GPC5: variants seen among roughly 807,000 people sequenced by gnomAD.
GPC5 encodes the protein glypican 5.
Under a neutral mutation model 53.9 loss-of-function variants are expected in GPC5, and 47 were observed. That is an observed-to-expected ratio of 0.87 (90% CI 0.69 to 1.11). GPC5 has a LOEUF of 1.11. Among genes scored for constraint, GPC5 ranks in the 50% most tolerant of loss-of-function variants. The probability of loss-of-function intolerance (pLI) is 0.00; values close to 1 mark genes in which losing one functional copy is unlikely to be tolerated. For missense variants in GPC5, 748 were observed against 713.1 expected (o/e 1.05, Z -0.56); for synonymous variants, 286 against 263.3 (o/e 1.09, Z -0.84).
intron 5 of GPC5, among the ~76,000 whole-genome samples, chr13:91,778,347 T>C (rs1014075990): frequency 2.6e-5 from 4 of 152,182 alleles, no homozygotes; most frequent in Admixed American, 6.5e-5. Context: ...AAACCAAAGA[T>C]TCTGGAGTTG....
chr13:92,499,537 G>C (rs1457838719), intron 7 of GPC5, among the ~76,000 whole-genome samples: 1 of 152,124 alleles, frequency 6.6e-6, no homozygotes, highest in Non-Finnish European at 1.5e-5. Flanking sequence ...TGAAGAGATT[G>C]AGAGACATGA....
chr13:91,800,628 T>A (rs920259336), intron 5 of GPC5, among the ~76,000 whole-genome samples: 2 of 152,160 alleles, frequency 1.3e-5, no homozygotes, highest in African/African-American at 2.4e-5. Flanking sequence ...ATATGCTTAA[T>A]CTCTTTTGTT....
intron 2 of GPC5, among the ~76,000 whole-genome samples, chr13:91,676,607 TC>T (rs1441356979): frequency 5.3e-5 from 8 of 152,040 alleles, no homozygotes; most frequent in African/African-American, 1.7e-4. Context: ...CTTTTATTTT[TC>T]TTTTGTACCC....
intron 5 of GPC5, among the ~76,000 whole-genome samples, chr13:91,820,934 G>A (rs1226106061): frequency 6.6e-6 from 1 of 151,342 alleles, no homozygotes; most frequent in African/African-American, 2.4e-5. Context: ...CTGCACTCCA[G>A]CCTGGGTGAC....
At chr13:92,723,842 C>T (rs1303080276) in intron 7 of GPC5, among the ~76,000 whole-genome samples, 1 of 151,550 alleles carries the variant, frequency 6.6e-6, no homozygotes, top group African/African-American at 2.4e-5. Flanking sequence ...AAATATAATT[C>T]TATCATATGC....
intron 7 of GPC5, among the ~76,000 whole-genome samples, chr13:92,236,667 C>A (rs2042572690): frequency 6.6e-6 from 1 of 152,056 alleles, no homozygotes; most frequent in Non-Finnish European, 1.5e-5. Context: ...GAGAACTAGA[C>A]ACTTTATATT....
chr13:92,724,253 A>G (rs968399475), intron 7 of GPC5, among the ~76,000 whole-genome samples: 5 of 151,652 alleles, frequency 3.3e-5, no homozygotes, highest in Non-Finnish European at 5.9e-5. Context: ...TAAGCAAGCT[A>G]TAAGAGAATT....
chr13:91,695,707 A>C (rs2035866205), intron 3 of GPC5, among the ~76,000 whole-genome samples: 1 of 152,154 alleles, frequency 6.6e-6, no homozygotes, highest in Admixed American at 6.6e-5. Context: ...GAGTATCTCC[A>C]AAAGGGAAAG....
At position 92,052,145 on chromosome 13, in the gene GPC5, C is replaced by T. The variant is rs529184145; in HGVS notation, c.1402-92685C>T. On this transcript the variant is annotated intron_variant, in intron 6 of 7. Transcript: ENST00000377067. Reference sequence around the variant, plus strand: ...TAAAATTGGCCTGCACTCCTGAAATCTAATAGTGTTAGAGATATGTGAGTA... The same window carrying T: ...TAAAATTGGCCTGCACTCCTGAAATTTAATAGTGTTAGAGATATGTGAGTA... 8.5e-5 allele frequency among the ~76,000 whole-genome samples: 13 copies of T among 152,268 alleles called. No individual in the cohort carries two copies. The East Asian group carries it at 2.5e-3, about 29-fold the overall frequency.
At chr13:91,435,659 G>A (rs1879879535) in intron 1 of GPC5, among the ~76,000 whole-genome samples, 1 of 152,126 alleles carries the variant, frequency 6.6e-6, no homozygotes, top group South Asian at 2.1e-4. Context: ...TTTTATTGTT[G>A]TGTCTCTGCC....
At position 92,428,773 on chromosome 13, in the gene GPC5, T is replaced by C. The variant is rs148026017; in HGVS notation, c.1561+283784T>C. ...CCAGGGTAGAATTTAAGAATGCTTC[T>C]GTAGAGCCAACCATTACTAATCAAT... On this transcript the variant is annotated intron_variant, in intron 7 of 7. Coordinates refer to ENST00000377067, the MANE Select transcript of GPC5 (RefSeq NM_004466.6). 3.6e-3 allele frequency among the ~76,000 whole-genome samples: 550 copies of C among 152,182 alleles called. 1 individual carries two copies. Among genetic ancestry groups the C allele is most frequent in the African/African-American group, 0.012 (504 of 41,538 alleles).
At chr13:92,759,673 A>AT (rs1875078007) in intron 7 of GPC5, among the ~76,000 whole-genome samples, 1 of 151,762 alleles carries the variant, frequency 6.6e-6, no homozygotes, top group Non-Finnish European at 1.5e-5. Flanking sequence ...AGATACTTTT[A>AT]TTTTTCCTTT....
intron 5 of GPC5, among the ~76,000 whole-genome samples, chr13:91,864,656 TACA>T (rs1247983611): frequency 3.3e-5 from 5 of 152,118 alleles, no homozygotes; most frequent in African/African-American, 1.2e-4. Context: ...TAATTACCAC[TACA>T]ACATTAAAAG....
At chr13:91,886,931 G>A (rs1057204413) in intron 5 of GPC5, among the ~76,000 whole-genome samples, 67 of 152,156 alleles carry the variant, frequency 4.4e-4, no homozygotes, top group Middle Eastern at 6.8e-3. Flanking sequence ...TGGATCTACT[G>A]TTCTAGGGTC....
intron 6 of GPC5, among the ~76,000 whole-genome samples, chr13:91,944,074 T>C (rs1181291127): frequency 1.3e-5 from 2 of 151,958 alleles, no homozygotes; most frequent in Non-Finnish European, 1.5e-5. Flanking sequence ...TGTGGCAGGA[T>C]ATTTCTTTTT....
At position 91,657,094 on chromosome 13, in the gene GPC5, A is replaced by G. The variant is rs138116966; in HGVS notation, c.326-36093A>G. On this transcript the variant is annotated intron_variant, in intron 2 of 7. Transcript: ENST00000377067. Reference sequence around the variant, plus strand: ...GTGCTGAGAAGCCATGGAATGTTTTAAGCAAGGACATGATACAACTAGATT... The same window carrying G: ...GTGCTGAGAAGCCATGGAATGTTTTGAGCAAGGACATGATACAACTAGATT... Among the ~76,000 whole-genome samples, 3 of 152,288 alleles carry G rather than the reference A, an allele frequency of 2.0e-5. No homozygotes were observed. The East Asian group carries it at 5.8e-4, about 29-fold the overall frequency.
intron 4 of GPC5, among the ~76,000 whole-genome samples, chr13:91,744,587 G>T (rs2037006887): frequency 6.6e-6 from 1 of 152,110 alleles, no homozygotes; most frequent in African/African-American, 2.4e-5. Flanking sequence ...AGGAATATCT[G>T]ATTGTAATTG....
chr13:92,374,993 C>T (rs1433489554), intron 7 of GPC5, among the ~76,000 whole-genome samples: 1 of 151,598 alleles, frequency 6.6e-6, no homozygotes, highest in African/African-American at 2.4e-5. Context: ...ATATTATATC[C>T]AGATTTAAGG....
intron 7 of GPC5, among the ~76,000 whole-genome samples, chr13:92,814,781 G>A (rs1228510928): frequency 6.6e-6 from 1 of 151,900 alleles, no homozygotes; most frequent in Non-Finnish European, 1.5e-5. Flanking sequence ...ATATTATCAT[G>A]TGGCATACAT....
Sources: allele counts gnomAD v4.1 joint callset (sites outside exome capture counted in the v4.1 genomes callset), GRCh38; gene constraint gnomAD v4.1.1; transcripts MANE v1.5; gene names NCBI Gene and HGNC (gene_info 2026-07-23, HGNC 2026-07-21).